OPCML: variants seen among roughly 807,000 people sequenced by gnomAD.
The protein encoded by OPCML is opioid binding protein/cell adhesion molecule like.
In OPCML, 13 loss-of-function variants were observed where a neutral mutation model predicts 37.8. The ratio of observed to expected loss-of-function variants is 0.34; its 90% confidence interval spans 0.22 to 0.55. OPCML has a LOEUF of 0.55. Among genes scored for constraint, OPCML ranks in the 20% least tolerant of loss-of-function variants. The pLI is 0.91. For synonymous variants in OPCML, 176 were observed against 168.8 expected, an observed-to-expected ratio of 1.04 and a Z score of -0.33; for missense variants, 341 against 435.6, an observed-to-expected ratio of 0.78 and a Z score of 1.93.
intron 3 of OPCML, among the ~76,000 whole-genome samples, chr11:132,530,642 GC>G (rs542040065): frequency 1.5e-3 from 221 of 151,970 alleles, no homozygotes; most frequent in African/African-American, 4.9e-3. Flanking sequence ...CTCATCTCAG[GC>G]CCCGTTTCCT....
intron 1 of OPCML, among the ~76,000 whole-genome samples, chr11:133,242,985 C>T (rs773588757): frequency 3.3e-5 from 5 of 152,048 alleles, no homozygotes; most frequent in African/African-American, 9.7e-5. Flanking sequence ...AATGTTACAC[C>T]GTGGTCTCTG....
At chr11:132,523,894 T>G (rs1176325408) in intron 4 of OPCML, among the ~76,000 whole-genome samples, 2 of 152,212 alleles carry the variant, frequency 1.3e-5, no homozygotes, top group Non-Finnish European at 2.9e-5. Flanking sequence ...CTCATGCACT[T>G]GCTCCCTGAG....
intron 4 of OPCML, among the ~76,000 whole-genome samples, chr11:132,485,130 G>A (rs1325633502): frequency 3.3e-5 from 5 of 151,782 alleles, no homozygotes; most frequent in African/African-American, 4.8e-5. Flanking sequence ...ATCACTGTTC[G>A]GGAGAGCTGT....
chr11:132,778,437 CA>C (rs1050017408), intron 2 of OPCML, among the ~76,000 whole-genome samples: 2 of 152,162 alleles, frequency 1.3e-5, no homozygotes, highest in Admixed American at 6.5e-5. Flanking sequence ...GTAAAAAAAT[CA>C]AATGCAAATC....
At chr11:133,180,641 C>A (rs1038053958) in intron 1 of OPCML, among the ~76,000 whole-genome samples, 3 of 151,984 alleles carry the variant, frequency 2.0e-5, no homozygotes, top group Non-Finnish European at 4.4e-5. Flanking sequence ...AGGGAGGACA[C>A]ATGGTTGGGA....
rs117692824 is a variant in OPCML at position 133,530,898 on chromosome 11, T to C, written c.61+1366A>G. Among the ~76,000 whole-genome samples, 586 of 152,292 alleles carry C rather than the reference T, an allele frequency of 3.8e-3. 2 individuals are homozygous for C. The highest frequency in any genetic ancestry group is 6.1e-3 in the Non-Finnish European group (414 of 68,024). ...TAGGACTACTCAGGGAATTATATTA[T>C]TAAAAACAACACTGAAAATATTCCC... On this transcript the variant is annotated intron_variant, in intron 1 of 7. Transcript: ENST00000524381.
chr11:133,390,386 C>T (rs1212464118), intron 1 of OPCML, among the ~76,000 whole-genome samples: 1 of 152,138 alleles, frequency 6.6e-6, no homozygotes, highest in African/African-American at 2.4e-5. Context: ...TGGCGTGAAC[C>T]CGGGAGGTGG....
chr11:133,178,672 T>A (rs1937669270), intron 1 of OPCML, among the ~76,000 whole-genome samples: 1 of 152,026 alleles, frequency 6.6e-6, no homozygotes, highest in Non-Finnish European at 1.5e-5. Flanking sequence ...TGAATCTGAG[T>A]ACGCAAACGA....
chr11:133,500,030 C>T (rs1203855555), intron 1 of OPCML, among the ~76,000 whole-genome samples: 2 of 151,506 alleles, frequency 1.3e-5, no homozygotes, highest in South Asian at 2.1e-4. Flanking sequence ...TGCCACCACA[C>T]CCAGCTAATT....
intron 4 of OPCML, among the ~76,000 whole-genome samples, chr11:132,522,541 CACA>C (rs2096296468): frequency 6.6e-6 from 1 of 152,206 alleles, no homozygotes; most frequent in Non-Finnish European, 1.5e-5. Context: ...GCAAATATGG[CACA>C]ACTACAGTTC....
chr11:133,207,834 C>T (rs543463875), intron 1 of OPCML, among the ~76,000 whole-genome samples: 59 of 152,274 alleles, frequency 3.9e-4, no homozygotes, highest in Non-Finnish European at 7.6e-4. Context: ...CCAGACATCC[C>T]TGTGGCATCT....
rs1478279466 is a variant in OPCML at position 133,015,370 on chromosome 11, AT to A, written c.62-72361del. Among the ~76,000 whole-genome samples the A allele has an allele frequency of 5.7e-3, 485 of 84,906 alleles. 16 individuals are homozygous for A. The highest frequency in any genetic ancestry group is 0.024 in the African/African-American group (448 of 18,328). 55.7% of individuals were successfully genotyped at this position (84,906 alleles called of 152,430 possible). A position where few individuals can be genotyped will look rare whatever the true frequency, so the allele number is the denominator to read the frequency against. On this transcript the variant is annotated intron_variant, in intron 1 of 7. Transcript: ENST00000524381. ...GAGGGAGGGAGGAAGGAAGGGAGGA[AT>A]GAAGGAAGGAAGGAAGGAAGGAATG... is the stretch of plus-strand genomic sequence containing the variant.
intron 1 of OPCML, among the ~76,000 whole-genome samples, chr11:133,044,400 G>A (rs1405930459): frequency 1.3e-5 from 2 of 152,166 alleles, no homozygotes; most frequent in East Asian, 3.9e-4. Context: ...GAGAACAGGG[G>A]AGTAGGTAAG....
chr11:132,646,123 C>T (rs1941137210), intron 3 of OPCML, among the ~76,000 whole-genome samples: 1 of 152,086 alleles, frequency 6.6e-6, no homozygotes, highest in African/African-American at 2.4e-5. Flanking sequence ...AAATTGGGCT[C>T]AGTATATACT....
chr11:133,325,752 C>T (rs1161088695), intron 1 of OPCML, among the ~76,000 whole-genome samples: 2 of 150,660 alleles, frequency 1.3e-5, no homozygotes, highest in African/African-American at 2.5e-5. Context: ...TCAAAGTGCT[C>T]ATATGGGAGA....
In OPCML at chr11:133,435,159, GTTATA is replaced by G. The variant is rs1946207237; in HGVS notation, c.61+97100_61+97104del. Reference sequence around the variant, plus strand: ...CCAAAGGGGTCACTTATATTTTTCAGTTATATTTTATTGCATTTTATGTAGCAAAT... The same window carrying G: ...CCAAAGGGGTCACTTATATTTTTCAGTTTTATTGCATTTTATGTAGCAAAT... On this transcript the variant is annotated intron_variant, in intron 1 of 7. Transcript: ENST00000524381. Among the ~76,000 whole-genome samples the G allele has an allele frequency of 2.0e-5, 3 of 152,128 alleles. No individual in the cohort carries two copies. In the South Asian group the frequency reaches 6.2e-4, roughly 32 times the overall value.
At chr11:132,790,139 C>T (rs1591613840) in intron 2 of OPCML, among the ~76,000 whole-genome samples, 2 of 152,286 alleles carry the variant, frequency 1.3e-5, no homozygotes, top group East Asian at 3.9e-4. Flanking sequence ...GACATCTGCA[C>T]CCCCATGTTC....
At chr11:132,632,146 A>G (rs11223161) in intron 3 of OPCML, among the ~76,000 whole-genome samples, 42,374 of 151,122 alleles carry the variant, frequency 0.28, 7,222 homozygotes, top group African/African-American at 0.44. Context: ...AAAAAAAAAA[A>G]AAAGAAAGAA....
chr11:133,052,215 G>C (rs1371057389), intron 1 of OPCML, among the ~76,000 whole-genome samples: 1 of 152,118 alleles, frequency 6.6e-6, no homozygotes, highest in South Asian at 2.1e-4. Context: ...TTATAGTTAG[G>C]ACGAATAATG....
Sources: gnomAD v4.1 joint callset for allele counts (sites outside exome capture counted in the v4.1 genomes callset) on GRCh38, gnomAD v4.1.1 for gene constraint, MANE v1.5 for transcripts, NCBI Gene and HGNC (gene_info 2026-07-23, HGNC 2026-07-21) for gene names.